P2RX3: variants seen among roughly 807,000 people sequenced by gnomAD.
P2RX3 encodes the protein purinergic receptor P2X 3.
In P2RX3, 41 loss-of-function variants were observed where a neutral mutation model predicts 51.5. That is an observed-to-expected ratio of 0.80 (90% CI 0.62 to 1.03). The LOEUF (loss-of-function observed/expected upper bound fraction) is 1.03. P2RX3 is among the 50% of genes least tolerant of loss of function. The pLI is 0.00. For missense variants in P2RX3, 459 were observed against 522.1 expected, an observed-to-expected ratio of 0.88 and a Z score of 1.18; for synonymous variants, 185 against 191.6, an observed-to-expected ratio of 0.97 and a Z score of 0.29.
chr11:57,340,124 C>T (rs1405046463), intron 1 of P2RX3, among the ~76,000 whole-genome samples: 15 of 152,304 alleles, frequency 9.8e-5, no homozygotes, highest in Admixed American at 5.9e-4. Flanking sequence ...TCTGTGTTCA[C>T]GTGTATATTC....
rs764865566 is a variant in P2RX3, at chr11:57,350,761, G to T, written c.706-1G>T. ...AGCTCATACCCGGCCCGTTTCTTCA[G>T]GGGGGAGTTCTGGGCATTAAGATCG... On this transcript the variant is annotated splice_acceptor_variant, in intron 7 of 11. Transcript: ENST00000263314. LOFTEE classifies it high-confidence loss of function. 4.3e-6 allele frequency: 7 copies of T among 1,613,550 alleles called. No homozygotes were observed. Among genetic ancestry groups the T allele is most frequent in the African/African-American group, 4.0e-5 (3 of 74,824 alleles).
intron 1 of P2RX3, among the ~76,000 whole-genome samples, chr11:57,344,566 G>A (rs1856398853): frequency 6.6e-6 from 1 of 152,156 alleles, no homozygotes; most frequent in South Asian, 2.1e-4. Context: ...AGGCGTGGTT[G>A]TGCATGCCTG....
intron 8 of P2RX3, among the ~76,000 whole-genome samples, chr11:57,355,224 C>T (rs1276096920): frequency 6.6e-6 from 1 of 152,134 alleles, no homozygotes; most frequent in Non-Finnish European, 1.5e-5. Context: ...AGGTCTCTAA[C>T]TGCTTTATGC....
intron 7 of P2RX3, 88 bp downstream of exon 7, chr11:57,349,986 A>G: frequency 6.5e-7 from 1 of 1,549,040 alleles, no homozygotes; most frequent in African/African-American, 1.4e-5. Flanking sequence ...GGCACTGGCC[A>G]GGAGCCGCCG....
chr11:57,340,808 C>G (rs1856325328), intron 1 of P2RX3: 1 of 152,284 alleles, frequency 6.6e-6, no homozygotes, highest in African/African-American at 2.4e-5. Context: ...GACATTTTAG[C>G]CAAGACCCGA....
Position 57,338,464 on chromosome 11 carries a change from G to T in P2RX3, c.-87G>T. 1.2e-6 allele frequency: 1 copy of T among 844,218 alleles called. No individual in the cohort carries two copies. 52.3% of individuals were successfully genotyped at this position (844,218 alleles called of 1,614,324 possible). A position where few individuals can be genotyped will look rare whatever the true frequency, so the allele number is the denominator to read the frequency against. On this transcript the variant is annotated 5_prime_UTR_variant, in exon 1 of 12. Coordinates refer to ENST00000263314, the MANE Select transcript of P2RX3 (RefSeq NM_002559.5). ...CTCTAAGCTGCCCCCTCCAGGTCGT[G>T]ATCTCGTCTCCCTGTCCTGTAGGAC...
At chr11:57,355,628 A>C (rs1364684155) in intron 8 of P2RX3, among the ~76,000 whole-genome samples, 1 of 152,198 alleles carries the variant, frequency 6.6e-6, no homozygotes, top group Non-Finnish European at 1.5e-5. Context: ...CGCGTGAGCT[A>C]CCACGCCTAG....
intron 8 of P2RX3, among the ~76,000 whole-genome samples, chr11:57,366,247 G>A (rs1266967896): frequency 1.3e-5 from 2 of 152,194 alleles, no homozygotes; most frequent in Non-Finnish European, 2.9e-5. Context: ...CTGAAAGACT[G>A]ATGCGATTTG....
At chr11:57,361,838 G>A (rs954396383) in intron 8 of P2RX3, among the ~76,000 whole-genome samples, 6 of 152,154 alleles carry the variant, frequency 3.9e-5, no homozygotes, top group African/African-American at 4.8e-5. Context: ...TGGTATTGCC[G>A]GTTTCAGGGT....
At chr11:57,336,763 A>C (rs1425313623), upstream of P2RX3, among the ~76,000 whole-genome samples, 1 of 152,204 alleles carries the variant, frequency 6.6e-6, no homozygotes, top group Admixed American at 6.5e-5. Context: ...ATTAGTACAG[A>C]ATATGTAAGC....
At chr11:57,367,588 G>A (rs1187211497) in intron 8 of P2RX3, among the ~76,000 whole-genome samples, 3 of 152,160 alleles carry the variant, frequency 2.0e-5, no homozygotes, top group Non-Finnish European at 4.4e-5. Flanking sequence ...AGGGATGGTG[G>A]CGCGTGCCTG....
chr11:57,355,882 T>C (rs1266382178), intron 8 of P2RX3, among the ~76,000 whole-genome samples: 1 of 152,176 alleles, frequency 6.6e-6, no homozygotes, highest in East Asian at 1.9e-4. Context: ...GCCTATCCCG[T>C]AGCCAGGTGT....
rs556132638 is a variant in P2RX3 at position 57,338,670 on chromosome 11, G to A, written c.119+1G>A. The A allele has an allele frequency of 6.3e-6, 10 of 1,575,500 alleles. No individual in the cohort carries two copies. The highest frequency in any genetic ancestry group is 2.2e-5 in the South Asian group (2 of 89,482). Reference sequence around the variant, plus strand: ...TTCTGATCATCTCCTACTTTGTAGGGTGAGTCTGTGGCCTTTCAGGTTCCT... The same window carrying A: ...TTCTGATCATCTCCTACTTTGTAGGATGAGTCTGTGGCCTTTCAGGTTCCT... On this transcript the variant is annotated splice_donor_variant, in intron 1 of 11. Transcript: ENST00000263314. LOFTEE classifies it high-confidence loss of function.
chr11:57,337,420 T>C (rs1856254313), upstream of P2RX3, among the ~76,000 whole-genome samples: 1 of 147,014 alleles, frequency 6.8e-6, no homozygotes, highest in Non-Finnish European at 1.5e-5. Context: ...ACAAATGACT[T>C]TAATAAATAA....
chr11:57,354,902 C>T (rs559412180), intron 8 of P2RX3, among the ~76,000 whole-genome samples: 10 of 152,320 alleles, frequency 6.6e-5, no homozygotes, highest in African/African-American at 1.7e-4. Flanking sequence ...TGTACGGAAA[C>T]CACACAGATA....
At position 57,370,623 on chromosome 11, in the gene P2RX3, T is replaced by C. The variant is rs1194741242; in HGVS notation, c.*626T>C. 1 of 152,200 alleles carries C rather than the reference T, an allele frequency of 6.6e-6. No individual in the cohort carries two copies. Among genetic ancestry groups the C allele is most frequent in the Non-Finnish European group, 1.5e-5 (1 of 68,042 alleles). 9.4% of individuals were successfully genotyped at this position (152,200 alleles called of 1,614,324 possible). ...CCCATGCCTTTCCCAGCAACAAAGT[T>C]TGCATTTTAGGGAGACTGGTTAGAC... is the stretch of plus-strand genomic sequence containing the variant. On this transcript the variant is annotated 3_prime_UTR_variant, in exon 12 of 12. Transcript: ENST00000263314.
At chr11:57,345,934 C>T (rs537469386) in intron 1 of P2RX3, among the ~76,000 whole-genome samples, 1 of 151,624 alleles carries the variant, frequency 6.6e-6, no homozygotes, top group Non-Finnish European at 1.5e-5. Context: ...GCCGCTGTCC[C>T]CCGCTTCCTC....
At chr11:57,352,649 A>G (rs1312625793) in intron 8 of P2RX3, among the ~76,000 whole-genome samples, 1 of 152,196 alleles carries the variant, frequency 6.6e-6, no homozygotes, top group Non-Finnish European at 1.5e-5. Flanking sequence ...AGCATCTCTC[A>G]TCTAAATAAG....
intron 8 of P2RX3, among the ~76,000 whole-genome samples, chr11:57,358,528 G>A (rs955052013): frequency 6.6e-6 from 1 of 152,184 alleles, no homozygotes; most frequent in East Asian, 1.9e-4. Context: ...GAAGGATGTG[G>A]GCTACAGTTC....
Sources: gnomAD v4.1 joint callset for allele counts (sites outside exome capture counted in the v4.1 genomes callset) on GRCh38, gnomAD v4.1.1 for gene constraint, MANE v1.5 for transcripts, NCBI Gene and HGNC (gene_info 2026-07-23, HGNC 2026-07-21) for gene names.